Variants in FOXP1 observed in about 807,000 individuals in gnomAD.
The protein encoded by FOXP1 is forkhead box protein P1.
FOXP1 carries 15 observed loss-of-function variants against 98.2 expected under a neutral mutation model. That is an observed-to-expected ratio of 0.15 (90% CI 0.10 to 0.24). The LOEUF (loss-of-function observed/expected upper bound fraction) is 0.24. Among genes scored for constraint, FOXP1 ranks in the 10% least tolerant of loss-of-function variants. FOXP1 has a pLI of 1.00. For missense variants in FOXP1, 633 were observed against 848.5 expected (o/e 0.75, Z 3.15); for synonymous variants, 371 against 314.5 (o/e 1.18, Z -1.90).
At chr3:71,493,017 A>G (rs1324625468) in intron 3 of FOXP1, among the ~76,000 whole-genome samples, 1 of 152,140 alleles carries the variant, frequency 6.6e-6, no homozygotes, top group East Asian at 1.9e-4. Flanking sequence ...AAAGTTTGGG[A>G]TAGGACTCTC....
intron 20 of FOXP1, among the ~76,000 whole-genome samples, chr3:70,960,366 G>A (rs1303241353): frequency 6.6e-6 from 1 of 152,160 alleles, no homozygotes; most frequent in Non-Finnish European, 1.5e-5. Flanking sequence ...TGGGATGAGC[G>A]TGGTTGCGAT....
intron 3 of FOXP1, among the ~76,000 whole-genome samples, chr3:71,477,798 G>A (rs1025188039): frequency 2.0e-5 from 3 of 152,104 alleles, no homozygotes; most frequent in Non-Finnish European, 2.9e-5. Context: ...TTCTAATATT[G>A]AAGATTTGTA....
intron 3 of FOXP1, among the ~76,000 whole-genome samples, chr3:71,422,319 C>G (rs1362904493): frequency 6.6e-6 from 1 of 152,214 alleles, no homozygotes; most frequent in Admixed American, 6.5e-5. Flanking sequence ...TACATACAAT[C>G]CAAAATGTTC....
chr3:71,580,576 G>A (rs1285873909), intron 2 of FOXP1, among the ~76,000 whole-genome samples: 1 of 151,922 alleles, frequency 6.6e-6, no homozygotes, highest in Non-Finnish European at 1.5e-5. Flanking sequence ...CAATTATGTA[G>A]GCTATCCCTG....
intron 5 of FOXP1, among the ~76,000 whole-genome samples, chr3:71,226,263 C>T (rs2065825979): frequency 6.6e-6 from 1 of 152,178 alleles, no homozygotes. Flanking sequence ...TGCTTTGGCT[C>T]TTGAGGTCTG....
chr3:71,125,088 C>G (rs2059065366), intron 6 of FOXP1, among the ~76,000 whole-genome samples: 1 of 152,308 alleles, frequency 6.6e-6, no homozygotes, highest in East Asian at 1.9e-4. Flanking sequence ...CTGACTCTTA[C>G]CAAACATTCA....
chr3:71,338,410 C>G (rs1392956265), intron 4 of FOXP1, among the ~76,000 whole-genome samples: 2 of 152,176 alleles, frequency 1.3e-5, no homozygotes, highest in Non-Finnish European at 2.9e-5. Flanking sequence ...CTACAAAATG[C>G]CTTTCCAACC....
At chr3:71,168,225 T>C (rs2061481749) in intron 6 of FOXP1, among the ~76,000 whole-genome samples, 1 of 152,156 alleles carries the variant, frequency 6.6e-6, no homozygotes, top group Non-Finnish European at 1.5e-5. Flanking sequence ...ACATACAGTT[T>C]ATTATAGAAA....
At chr3:71,310,871 G>C (rs13083684) in intron 4 of FOXP1, among the ~76,000 whole-genome samples, 3,848 of 152,352 alleles carry the variant, frequency 0.025, 63 homozygotes, top group South Asian at 0.044. Flanking sequence ...CCAGATGACA[G>C]GCTCTCAAAG....
Position 71,260,995 on chromosome 3 carries a change from A to G in FOXP1, c.-12+38825T>C, listed in dbSNP as rs2069089147. Among the ~76,000 whole-genome samples the G allele has an allele frequency of 2.0e-5, 3 of 152,238 alleles. No individual in the cohort carries two copies. In the South Asian group the frequency reaches 6.2e-4, roughly 31 times the overall value. ...TAAATGCAAATTGCTAATAAAGTTT[A>G]GAATTTGTTAAACCATTAACTCTGC... On this transcript the variant is annotated intron_variant, in intron 5 of 20. Coordinates refer to ENST00000649528, the MANE Select transcript of FOXP1 (RefSeq NM_001349338.3).
At chr3:71,366,971 C>T (rs559218445) in intron 3 of FOXP1, among the ~76,000 whole-genome samples, 5 of 152,244 alleles carry the variant, frequency 3.3e-5, no homozygotes, top group African/African-American at 1.2e-4. Flanking sequence ...TAAAATTATA[C>T]TTTCTCCTCT....
intron 5 of FOXP1, among the ~76,000 whole-genome samples, chr3:71,224,724 C>T (rs2065695409): frequency 6.6e-6 from 1 of 152,148 alleles, no homozygotes; most frequent in African/African-American, 2.4e-5. Flanking sequence ...AGAACCATCC[C>T]CTCACCCAGT....
chr3:71,060,508 A>G (rs2051330265), intron 7 of FOXP1, among the ~76,000 whole-genome samples: 1 of 152,124 alleles, frequency 6.6e-6, no homozygotes. Flanking sequence ...ACCCGTGCAG[A>G]CCCGCCTCAT....
intron 5 of FOXP1, among the ~76,000 whole-genome samples, chr3:71,272,033 C>T (rs2070410975): frequency 6.6e-6 from 1 of 152,116 alleles, no homozygotes; most frequent in Admixed American, 6.5e-5. Flanking sequence ...AATTATAAAG[C>T]ACCTATTATA....
chr3:70,978,172 A>C (rs1337027750), intron 14 of FOXP1, 143 bp from the exon 15 acceptor site: 3 of 714,930 alleles, frequency 4.2e-6, no homozygotes, highest in Non-Finnish European at 7.5e-6. Context: ...GAACCGAAAC[A>C]CACGGTGAGT....
At chr3:71,466,309 T>C (rs1560524894) in intron 3 of FOXP1, among the ~76,000 whole-genome samples, 1 of 152,184 alleles carries the variant, frequency 6.6e-6, no homozygotes, top group Non-Finnish European at 1.5e-5. Context: ...GCTGCTAACT[T>C]TTCTCCAGAA....
intron 5 of FOXP1, among the ~76,000 whole-genome samples, chr3:71,218,750 C>T (rs1050348999): frequency 7.9e-5 from 12 of 152,126 alleles, no homozygotes; most frequent in African/African-American, 1.7e-4. Context: ...ACAAAACAGG[C>T]GACAGCTGGA....
chr3:71,258,554 G>C (rs768162490), intron 5 of FOXP1, among the ~76,000 whole-genome samples: 4 of 152,120 alleles, frequency 2.6e-5, no homozygotes, highest in Non-Finnish European at 5.9e-5. Context: ...ACAGAGACTG[G>C]GGCCAGGGGA....
chr3:71,231,424 T>C (rs943645238), intron 5 of FOXP1, among the ~76,000 whole-genome samples: 1 of 152,062 alleles, frequency 6.6e-6, no homozygotes. Context: ...AATCCACCTA[T>C]AGCTACCTTA....
Sources: gnomAD v4.1 joint callset for allele counts (sites outside exome capture counted in the v4.1 genomes callset) on GRCh38, gnomAD v4.1.1 for gene constraint, MANE v1.5 for transcripts, NCBI Gene and HGNC (gene_info 2026-07-23, HGNC 2026-07-21) for gene names.